Variants in ITPR1 observed in about 807,000 individuals in gnomAD.
The protein encoded by ITPR1 is inositol 1,4,5-trisphosphate-gated calcium channel ITPR1.
ITPR1 carries 96 observed loss-of-function variants against 318.4 expected under a neutral mutation model. The observed-to-expected ratio is 0.30, with a 90% CI of 0.26 to 0.36. The LOEUF (loss-of-function observed/expected upper bound fraction) is 0.36, where lower values mean the gene tolerates loss of function less well. Ranked by LOEUF, ITPR1 falls within the 10% of genes least tolerant of loss-of-function variation. ITPR1 has a pLI of 1.00. For synonymous variants in ITPR1, 1,312 were observed against 1,289.9 expected (o/e 1.02, Z -0.37); for missense variants, 2,440 against 3,460.2 (o/e 0.71, Z 7.40).
chr3:4,683,679 C>G lies in ITPR1; in HGVS notation c.3379C>G (p.Gln1127Glu), dbSNP rs2094340062. The G allele has an allele frequency of 5.0e-6, 8 of 1,613,928 alleles. No individual in the cohort carries two copies. The highest frequency in any genetic ancestry group is 5.9e-6 in the Non-Finnish European group (7 of 1,179,906). Residue 1127 changes from glutamine to glutamate, a missense_variant, in exon 28 of 62, where the codon CAA (glutamine) becomes GAA (glutamate). Transcript: ENST00000649015. Reference sequence around the variant, plus strand: ...TGTGGACAACTACAAACAGATCAAACAAGACTTGGATCAACTGAGGTCCAT... The same window carrying G: ...TGTGGACAACTACAAACAGATCAAAGAAGACTTGGATCAACTGAGGTCCAT... ...QDVDNYKQIKQDLDQLRSIVE... is the reference protein window; with the variant it reads ...QDVDNYKQIKEDLDQLRSIVE...
At chr3:4,568,402 G>C (rs988904603) in intron 4 of ITPR1, among the ~76,000 whole-genome samples, 2 of 152,322 alleles carry the variant, frequency 1.3e-5, no homozygotes, top group East Asian at 1.9e-4. Context: ...GCCAGATGCA[G>C]GGGATCCCAA....
At chr3:4,770,321 T>C (rs550087129) in intron 46 of ITPR1, among the ~76,000 whole-genome samples, 1 of 152,302 alleles carries the variant, frequency 6.6e-6, no homozygotes, top group South Asian at 2.1e-4. Context: ...AGAAATTATA[T>C]TGTTAATTAG....
At chr3:4,567,858 A>C (rs1575560642) in intron 4 of ITPR1, among the ~76,000 whole-genome samples, 1 of 152,126 alleles carries the variant, frequency 6.6e-6, no homozygotes, top group East Asian at 1.9e-4. Flanking sequence ...CCTGCCCTGG[A>C]CTTCCACAGT....
intron 60 of ITPR1, among the ~76,000 whole-genome samples, chr3:4,835,498 T>C (rs901162494): frequency 6.6e-6 from 1 of 152,110 alleles, no homozygotes; most frequent in South Asian, 2.1e-4. Context: ...GCTGAAAATA[T>C]TGACACACAA....
chr3:4,777,678 T>C (rs1234815881), intron 48 of ITPR1, among the ~76,000 whole-genome samples: 1 of 151,798 alleles, frequency 6.6e-6, no homozygotes, highest in Non-Finnish European at 1.5e-5. Flanking sequence ...GTTCTGAAAG[T>C]CACAAAGAGA....
chr3:4,697,395 C>G (rs947590850), intron 34 of ITPR1, 123 bp downstream of exon 34: 50 of 850,216 alleles, frequency 5.9e-5, no homozygotes, highest in Non-Finnish European at 7.2e-5. Flanking sequence ...TGCATCATTT[C>G]TACTCTAATC....
intron 24 of ITPR1, among the ~76,000 whole-genome samples, chr3:4,679,908 A>C (rs1206598316): frequency 6.6e-6 from 1 of 152,178 alleles, no homozygotes; most frequent in African/African-American, 2.4e-5. Flanking sequence ...CTGGGAGGCT[A>C]AGCAGAGACA....
rs746002771 is a variant in ITPR1 at position 4,685,122 on chromosome 3, G to A, written c.3618G>A (p.Lys1206=). The change falls in exon 30 of 62, where the codon AAG becomes AAA. Residue 1206 remains lysine (K), a synonymous_variant. Transcript: ENST00000649015. ...TTCAAGAGAGTGCCTCAGTGAGAAAGAGCAGGAAGCAGCAACAGCGTCTGC... is the reference window on the plus strand; with the variant it reads ...TTCAAGAGAGTGCCTCAGTGAGAAAAAGCAGGAAGCAGCAACAGCGTCTGC... ...LCVQESASVR[K]SRKQQQRLLR... 5.6e-6 allele frequency: 9 copies of A among 1,610,938 alleles called. No homozygotes were observed. Among genetic ancestry groups the A allele is most frequent in the African/African-American group, 1.3e-5 (1 of 74,918 alleles).
At chr3:4,498,737 AG>A in intron 2 of ITPR1, among the ~76,000 whole-genome samples, 1 of 152,374 alleles carries the variant, frequency 6.6e-6, no homozygotes, top group East Asian at 1.9e-4. Flanking sequence ...TTTGACAAAT[AG>A]GTGAACGTAC....
intron 7 of ITPR1, 59 bp from the exon 8 acceptor site, chr3:4,644,077 G>C: frequency 9.0e-7 from 1 of 1,110,790 alleles, no homozygotes; most frequent in East Asian, 2.5e-5. Context: ...ACTGCCCAGT[G>C]GTCAATCCGC....
intron 2 of ITPR1, among the ~76,000 whole-genome samples, chr3:4,501,593 G>A (rs1056860139): frequency 6.6e-6 from 1 of 152,216 alleles, no homozygotes; most frequent in Non-Finnish European, 1.5e-5. Context: ...TTCATGGCTA[G>A]CTCTCACCTG....
chr3:4,525,996 G>C (rs1181629391), intron 4 of ITPR1, among the ~76,000 whole-genome samples: 5 of 152,124 alleles, frequency 3.3e-5, no homozygotes, highest in Non-Finnish European at 7.4e-5. Context: ...AAGGGAACTG[G>C]GCTTTTGGGC....
intron 34 of ITPR1, among the ~76,000 whole-genome samples, chr3:4,699,356 C>CAAA (rs370894156): frequency 1.7e-5 from 2 of 120,958 alleles, no homozygotes; most frequent in Admixed American, 8.2e-5. Flanking sequence ...GACTCTATCT[C>CAAA]AAAACAAAAA....
At position 4,674,293 on chromosome 3, in the gene ITPR1, T is replaced by C. The variant is rs779223171; in HGVS notation, c.2548T>C (p.Cys850Arg). 1 of 1,602,612 alleles carries C rather than the reference T, an allele frequency of 6.2e-7. No individual in the cohort carries two copies. Among genetic ancestry groups the C allele is most frequent in the Non-Finnish European group, 8.5e-7 (1 of 1,173,696 alleles). Reference sequence around the variant, plus strand: ...GGAGGAGTATTTAAGAGATGTGGTTTGTCAGAGGTTCCCTTTCTCTGATAA... The same window carrying C: ...GGAGGAGTATTTAAGAGATGTGGTTCGTCAGAGGTTCCCTTTCTCTGATAA... ...FVEEYLRDVV[C>R]QRFPFSDKEK... The change falls in exon 22 of 62, where the codon TGT becomes CGT. Residue 850 changes from cysteine to arginine, a missense_variant. Cys to Arg is a radical substitution (Grantham distance 180). This residue lies in a region of ITPR1 where 478 missense variants were observed against 696.3 expected (regional missense o/e 0.69). Coordinates refer to ENST00000649015, the MANE Select transcript of ITPR1 (RefSeq NM_001378452.1).
chr3:4,795,292 C>T, intron 53 of ITPR1, 105 bp downstream of exon 53: 3 of 980,426 alleles, frequency 3.1e-6, no homozygotes, highest in South Asian at 2.6e-5. Context: ...ACTGGGGATC[C>T]CAGTTATCCA....
intron 53 of ITPR1, 66 bp downstream of exon 53, chr3:4,795,253 G>C (rs541643514): frequency 2.8e-5 from 43 of 1,529,168 alleles, no homozygotes; most frequent in Admixed American, 1.1e-4. Flanking sequence ...TTGCATCTCA[G>C]TTGTGGTTCC....
chr3:4,502,722 A>G (rs1341957435), intron 2 of ITPR1, among the ~76,000 whole-genome samples: 1 of 151,620 alleles, frequency 6.6e-6, no homozygotes, highest in Non-Finnish European at 1.5e-5. Flanking sequence ...TACAGGCGTG[A>G]TCCACTGCGC....
intron 61 of ITPR1, 74 bp from the exon 62 acceptor site, chr3:4,846,065 A>G: frequency 2.4e-6 from 2 of 830,910 alleles, no homozygotes; most frequent in Non-Finnish European, 3.8e-6. Context: ...CACAGAGGTA[A>G]ATCTATGGTT....
rs116641837 is a variant in ITPR1 at position 4,796,609 on chromosome 3, C to T, written c.6931+1422C>T. Among the ~76,000 whole-genome samples, 1,181 of 152,254 alleles carry T rather than the reference C, an allele frequency of 7.8e-3. 14 individuals are homozygous for T. The highest frequency in any genetic ancestry group is 0.027 in the African/African-American group (1,108 of 41,526). On this transcript the variant is annotated intron_variant, in intron 53 of 61. Transcript: ENST00000649015. The stretch of plus-strand genomic sequence containing the variant: ...AATATTTCAAACAGATTTTATTATT[C>T]GCCACGTCTGTTTTCTTCACCGGTC...
Sources: gnomAD v4.1 joint callset for allele counts (sites outside exome capture counted in the v4.1 genomes callset) on GRCh38, gnomAD v4.1.1 for gene constraint, gnomAD v4.1.1 regional missense constraint, MANE v1.5 for transcripts, NCBI Gene and HGNC (gene_info 2026-07-23, HGNC 2026-07-21) for gene names.